SEMA5A: variants seen among roughly 807,000 people sequenced by gnomAD.
The protein encoded by SEMA5A is semaphorin-5A.
In SEMA5A, 55 loss-of-function variants were observed where a neutral mutation model predicts 135.5. That is an observed-to-expected ratio of 0.41 (90% CI 0.33 to 0.51). The LOEUF is 0.51. Ranked by LOEUF, SEMA5A falls within the 20% of genes least tolerant of loss-of-function variation. The pLI is 0.37. For missense variants in SEMA5A, 1,290 were observed against 1,419.9 expected (o/e 0.91, Z 1.47); for synonymous variants, 580 against 546.5 (o/e 1.06, Z -0.85).
intron 4 of SEMA5A, among the ~76,000 whole-genome samples, chr5:9,326,893 A>G (rs1423307800): frequency 1.3e-5 from 2 of 152,234 alleles, no homozygotes; most frequent in East Asian, 3.9e-4. Flanking sequence ...CAGTAAATTT[A>G]AATATAATGA....
chr5:9,255,729 T>C (rs1749034537), intron 5 of SEMA5A, among the ~76,000 whole-genome samples: 1 of 152,186 alleles, frequency 6.6e-6, no homozygotes, highest in Non-Finnish European at 1.5e-5. Flanking sequence ...TGGGTAATAT[T>C]ACCTTGTTTT....
intron 21 of SEMA5A, 96 bp downstream of exon 21, chr5:9,050,314 G>T: frequency 1.7e-6 from 2 of 1,160,182 alleles, no homozygotes; most frequent in Admixed American, 2.6e-5. Context: ...TTCATTCTTG[G>T]CCAAGAGGCA....
At chr5:9,290,137 T>G (rs1013899826) in intron 5 of SEMA5A, among the ~76,000 whole-genome samples, 1 of 152,196 alleles carries the variant, frequency 6.6e-6, no homozygotes, top group African/African-American at 2.4e-5. Flanking sequence ...TTCTGAGATT[T>G]TGGGGGCACC....
intron 3 of SEMA5A, among the ~76,000 whole-genome samples, chr5:9,373,251 T>C (rs1755219412): frequency 6.6e-6 from 1 of 152,102 alleles, no homozygotes; most frequent in Non-Finnish European, 1.5e-5. Context: ...AAATATAGGA[T>C]CCATGAAAAA....
rs1016054538 is a variant in SEMA5A, at chr5:9,474,783, T to C, written c.-174-36931A>G. On this transcript the variant is annotated intron_variant, in intron 1 of 22. Coordinates refer to ENST00000382496, the MANE Select transcript of SEMA5A (RefSeq NM_003966.3). ...TACCCACCTCTCCTGCCTCACCCCC[T>C]CGCCCGAGACACTCTGGCCATACCA... is the stretch of plus-strand genomic sequence containing the variant. Among the ~76,000 whole-genome samples the C allele has an allele frequency of 2.0e-5, 3 of 152,012 alleles. No individual in the cohort carries two copies. The East Asian group carries it at 5.8e-4, about 29-fold the overall frequency.
intron 12 of SEMA5A, among the ~76,000 whole-genome samples, chr5:9,149,261 G>A (rs1742502456): frequency 6.6e-6 from 1 of 152,180 alleles, no homozygotes; most frequent in Admixed American, 6.5e-5. Flanking sequence ...CATCTGTGCA[G>A]CCTACAAGTG....
At chr5:9,310,223 A>G (rs918264472) in intron 5 of SEMA5A, among the ~76,000 whole-genome samples, 3 of 152,150 alleles carry the variant, frequency 2.0e-5, no homozygotes, top group African/African-American at 7.2e-5. Flanking sequence ...AAGTTAGCTG[A>G]ACAGCAGCCA....
At chr5:9,089,941 T>C (rs1031104790) in intron 16 of SEMA5A, among the ~76,000 whole-genome samples, 5 of 152,232 alleles carry the variant, frequency 3.3e-5, no homozygotes, top group East Asian at 1.9e-4. Flanking sequence ...ATAAAATGTA[T>C]TATTTACAAG....
At chr5:9,331,472 T>G (rs1436071820) in intron 4 of SEMA5A, among the ~76,000 whole-genome samples, 1 of 152,132 alleles carries the variant, frequency 6.6e-6, no homozygotes, top group Non-Finnish European at 1.5e-5. Flanking sequence ...CAAACCAAAA[T>G]TCAACTCAAT....
chr5:9,194,366 C>A (rs769800461), intron 10 of SEMA5A, among the ~76,000 whole-genome samples: 15 of 152,206 alleles, frequency 9.9e-5, no homozygotes, highest in African/African-American at 1.4e-4. Context: ...ATTCTGCTTT[C>A]TGCTTCTCTG....
chr5:9,503,169 G>A (rs1482320796), intron 1 of SEMA5A, among the ~76,000 whole-genome samples: 2 of 152,182 alleles, frequency 1.3e-5, no homozygotes, highest in African/African-American at 4.8e-5. Context: ...AAAATACATT[G>A]TGAAACCACT....
intron 2 of SEMA5A, among the ~76,000 whole-genome samples, chr5:9,397,216 A>G (rs1239633887): frequency 6.6e-6 from 1 of 152,256 alleles, no homozygotes; most frequent in Non-Finnish European, 1.5e-5. Flanking sequence ...CCACATATAC[A>G]CATCCACACA....
intron 3 of SEMA5A, among the ~76,000 whole-genome samples, chr5:9,344,388 A>C (rs1032474791): frequency 6.6e-6 from 1 of 152,224 alleles, no homozygotes; most frequent in Non-Finnish European, 1.5e-5. Flanking sequence ...GGAATGCATA[A>C]AGAGCATGAA....
At chr5:9,318,274 C>T (rs1014929261) in intron 5 of SEMA5A, 98 bp downstream of exon 5, 4 of 1,199,864 alleles carry the variant, frequency 3.3e-6, no homozygotes, top group Admixed American at 2.1e-5. Flanking sequence ...CCTGCTCAGG[C>T]TGGATTAACA....
At chr5:9,430,756 G>T (rs1359219363) in intron 2 of SEMA5A, among the ~76,000 whole-genome samples, 3 of 152,090 alleles carry the variant, frequency 2.0e-5, no homozygotes, top group Non-Finnish European at 4.4e-5. Flanking sequence ...AATGACTAAG[G>T]GATCAGACTG....
rs768480270 is a variant in SEMA5A, at chr5:9,354,312, A to T, written c.125-16500T>A. 7.2e-5 allele frequency among the ~76,000 whole-genome samples: 11 copies of T among 152,326 alleles called. No homozygotes were observed. The South Asian group carries it at 1.0e-3, about 14-fold the overall frequency. ...ATGGACAAACTAGAAAGCTGTATTTACAGCCCCACTGACTTCCTGGGAGAG... is the reference window on the plus strand; with the variant it reads ...ATGGACAAACTAGAAAGCTGTATTTTCAGCCCCACTGACTTCCTGGGAGAG... On this transcript the variant is annotated intron_variant, in intron 3 of 22. Coordinates refer to ENST00000382496, the MANE Select transcript of SEMA5A (RefSeq NM_003966.3).
intron 5 of SEMA5A, among the ~76,000 whole-genome samples, chr5:9,297,903 T>C (rs1337611052): frequency 6.6e-6 from 1 of 152,046 alleles, no homozygotes; most frequent in Non-Finnish European, 1.5e-5. Flanking sequence ...TGTTTACAAG[T>C]TACCCAGCCT....
At chr5:9,415,397 C>T (rs1176667358) in intron 2 of SEMA5A, among the ~76,000 whole-genome samples, 4 of 151,844 alleles carry the variant, frequency 2.6e-5, no homozygotes, top group Non-Finnish European at 4.4e-5. Flanking sequence ...GCCTTGGGGA[C>T]GTAAAATGAT....
At chr5:9,402,661 G>T (rs893621653) in intron 2 of SEMA5A, among the ~76,000 whole-genome samples, 5 of 152,170 alleles carry the variant, frequency 3.3e-5, no homozygotes, top group Non-Finnish European at 7.3e-5. Context: ...TTAGTGAGGT[G>T]AAATAATCTA....
Sources: gnomAD v4.1 joint callset for allele counts (sites outside exome capture counted in the v4.1 genomes callset) on GRCh38, gnomAD v4.1.1 for gene constraint, MANE v1.5 for transcripts, NCBI Gene and HGNC (gene_info 2026-07-23, HGNC 2026-07-21) for gene names.